ZNF536: variants seen among roughly 807,000 people sequenced by gnomAD.
ZNF536 encodes zinc finger protein 536.
In ZNF536, 13 loss-of-function variants were observed where a neutral mutation model predicts 84.5. The ratio of observed to expected loss-of-function variants is 0.15; its 90% CI spans 0.10 to 0.24. The LOEUF is 0.24. ZNF536 is among the 10% of genes least tolerant of loss of function. The pLI is 1.00. For missense variants in ZNF536, 1,536 were observed against 1,747.5 expected, an observed-to-expected ratio of 0.88 and a Z score of 2.16; for synonymous variants, 811 against 742.5, an observed-to-expected ratio of 1.09 and a Z score of -1.50.
chr19:30,594,825 CAG>C (rs2146842301), intron 1 of ZNF536, among the ~76,000 whole-genome samples: 1 of 152,234 alleles, frequency 6.6e-6, no homozygotes, highest in South Asian at 2.1e-4. Flanking sequence ...CACGCTGGCA[CAG>C]AGGAGCAGTG....
intron 1 of ZNF536, among the ~76,000 whole-genome samples, chr19:30,238,710 T>C (rs990375681): frequency 1.3e-5 from 2 of 152,102 alleles, no homozygotes; most frequent in African/African-American, 4.8e-5. Flanking sequence ...ATATAAAGTG[T>C]ATCCTAGGTA....
intron 1 of ZNF536, among the ~76,000 whole-genome samples, chr19:30,402,853 G>A (rs1015095188): frequency 3.0e-5 from 4 of 132,992 alleles, no homozygotes; most frequent in African/African-American, 1.0e-4. Flanking sequence ...AAACTAAACT[G>A]CTCTCCTGTT....
At chr19:30,411,648 G>A (rs1026717665) in intron 1 of ZNF536, among the ~76,000 whole-genome samples, 1 of 151,940 alleles carries the variant, frequency 6.6e-6, no homozygotes, top group Non-Finnish European at 1.5e-5. Context: ...TCTCTACCTG[G>A]TTCATTGACA....
chr19:30,373,512 G>T (rs2048692092), intron 1 of ZNF536, among the ~76,000 whole-genome samples: 1 of 152,040 alleles, frequency 6.6e-6, no homozygotes, highest in South Asian at 2.1e-4. Context: ...CAAAAATGTT[G>T]GTATCTTTTA....
At chr19:30,441,045 G>A (rs2052021853) in intron 1 of ZNF536, among the ~76,000 whole-genome samples, 1 of 152,238 alleles carries the variant, frequency 6.6e-6, no homozygotes, top group Non-Finnish European at 1.5e-5. Flanking sequence ...TGGTGGTGGT[G>A]TTGGGGGACA....
intron 1 of ZNF536, among the ~76,000 whole-genome samples, chr19:30,419,148 C>T (rs2050852881): frequency 6.6e-6 from 1 of 152,156 alleles, no homozygotes; most frequent in African/African-American, 2.4e-5. Context: ...GTAGCCATAG[C>T]TGTATCTTTC....
At chr19:30,657,448 G>A (rs1471961762) in intron 1 of ZNF536, among the ~76,000 whole-genome samples, 1 of 152,208 alleles carries the variant, frequency 6.6e-6, no homozygotes, top group South Asian at 2.1e-4. Flanking sequence ...CACCTCTCCT[G>A]TGGCAGCTAG....
At chr19:30,351,962 C>A (rs2047945665) in intron 2 of ZNF536, among the ~76,000 whole-genome samples, 1 of 152,180 alleles carries the variant, frequency 6.6e-6, no homozygotes, top group Non-Finnish European at 1.5e-5. Context: ...CATATCAATC[C>A]CTGTTTCTTT....
intron 1 of ZNF536, among the ~76,000 whole-genome samples, chr19:30,679,546 C>A (rs1022360773): frequency 6.6e-6 from 1 of 152,162 alleles, no homozygotes; most frequent in East Asian, 1.9e-4. Flanking sequence ...ACGAACTGCC[C>A]CCTCCCCACG....
rs562091597 is a variant in ZNF536 at position 30,546,349 on chromosome 19, A to G, written c.2324-1594A>G. ...AGATGACTGTGACCTTTACGTTTAG[A>G]GAAACAGATTCCCTGCTGGGTTCCC... On this transcript the variant is annotated intron_variant, in intron 3 of 4. Coordinates refer to ENST00000355537, the MANE Select transcript of ZNF536 (RefSeq NM_014717.3). Among the ~76,000 whole-genome samples the G allele has an allele frequency of 3.3e-5, 5 of 152,340 alleles. No individual in the cohort carries two copies. In the East Asian group the frequency reaches 9.6e-4, roughly 29 times the overall value.
At chr19:30,461,807 G>C (rs542070226) in intron 2 of ZNF536, among the ~76,000 whole-genome samples, 16 of 152,334 alleles carry the variant, frequency 1.1e-4, no homozygotes, top group Admixed American at 2.6e-4. Context: ...AGCTCCGTGT[G>C]GGGAGATGGC....
intron 2 of ZNF536, among the ~76,000 whole-genome samples, chr19:30,468,331 A>G (rs1794895173): frequency 6.6e-6 from 1 of 152,122 alleles, no homozygotes; most frequent in South Asian, 2.1e-4. Flanking sequence ...TTGGAGGGGC[A>G]GGTTGTGAGG....
chr19:30,696,370 T>A (rs1395134609), intron 1 of ZNF536, among the ~76,000 whole-genome samples: 1 of 152,228 alleles, frequency 6.6e-6, no homozygotes, highest in Non-Finnish European at 1.5e-5. Flanking sequence ...CTAAATGCAC[T>A]CACCCAGAGA....
At chr19:30,439,914 T>TTTCC (rs910527374) in intron 1 of ZNF536, among the ~76,000 whole-genome samples, 6 of 151,892 alleles carry the variant, frequency 4.0e-5, no homozygotes, top group African/African-American at 1.5e-4. Context: ...GTGGACAGCT[T>TTTCC]TTCCTTTCCT....
At chr19:30,610,846 A>T (rs1371511645) in intron 1 of ZNF536, among the ~76,000 whole-genome samples, 1 of 152,208 alleles carries the variant, frequency 6.6e-6, no homozygotes, top group Non-Finnish European at 1.5e-5. Context: ...AAGGAATAGC[A>T]TGCCCATGTT....
chr19:30,390,551 C>T (rs2049541871), intron 1 of ZNF536, among the ~76,000 whole-genome samples: 1 of 152,208 alleles, frequency 6.6e-6, no homozygotes, highest in Admixed American at 6.5e-5. Context: ...GCCAATCTTC[C>T]TAGCCAGGCT....
At chr19:30,504,220 T>G (rs1338366623) in intron 2 of ZNF536, among the ~76,000 whole-genome samples, 1 of 148,092 alleles carries the variant, frequency 6.8e-6, no homozygotes, top group Admixed American at 6.7e-5. Context: ...CTTCCTTCCC[T>G]TCTTCTTTCC....
chr19:30,527,922 G>GTTT (rs1039440953), intron 2 of ZNF536, among the ~76,000 whole-genome samples: 1 of 152,116 alleles, frequency 6.6e-6, no homozygotes, highest in Non-Finnish European at 1.5e-5. Flanking sequence ...TGTTGTTGTT[G>GTTT]TGCCACTGAA....
At chr19:30,446,156 G>A (rs578190875) in intron 2 of ZNF536, among the ~76,000 whole-genome samples, 26 of 143,122 alleles carry the variant, frequency 1.8e-4, no homozygotes, top group Non-Finnish European at 3.0e-4. Context: ...GGCTAAGGCA[G>A]GAGAATCGCT....
Sources: allele counts gnomAD v4.1 joint callset (sites outside exome capture counted in the v4.1 genomes callset), GRCh38; gene constraint gnomAD v4.1.1; transcripts MANE v1.5; gene names NCBI Gene and HGNC (gene_info 2026-07-23, HGNC 2026-07-21).